SAMMSON: variants seen among roughly 807,000 people sequenced by gnomAD.
SAMMSON encodes survival associated mitochondrial melanoma specific oncogenic non-coding RNA.
intron 7 of SAMMSON, among the ~76,000 whole-genome samples, chr3:70,303,547 C>A (rs1318009073): frequency 1.3e-5 from 2 of 152,192 alleles, no homozygotes; most frequent in Non-Finnish European, 2.9e-5. Flanking sequence ...GCTACTCTTG[C>A]ATTTTCCAAT....
intron 3 of SAMMSON, chr3:70,030,735 G>A (rs2067062431): frequency 6.6e-6 from 1 of 152,140 alleles, no homozygotes; most frequent in Non-Finnish European, 1.5e-5. Flanking sequence ...CAAAGGACGT[G>A]AATAGACATT....
At chr3:70,307,016 TAGAG>T (rs1222786241) in intron 7 of SAMMSON, among the ~76,000 whole-genome samples, 1 of 152,040 alleles carries the variant, frequency 6.6e-6, no homozygotes, top group African/African-American at 2.4e-5. Context: ...AATAGAGAGA[TAGAG>T]AGAAAATCTG....
chr3:70,212,691 C>A (rs1371179810), intron 4 of SAMMSON, among the ~76,000 whole-genome samples: 2 of 152,118 alleles, frequency 1.3e-5, no homozygotes, highest in Non-Finnish European at 2.9e-5. Flanking sequence ...GGACAATATT[C>A]TTCTCGTCAT....
intron 6 of SAMMSON, among the ~76,000 whole-genome samples, chr3:70,288,231 T>G (rs1702188852): frequency 7.5e-6 from 1 of 133,920 alleles, no homozygotes; most frequent in Non-Finnish European, 1.6e-5. Flanking sequence ...CTGCTTTGAA[T>G]GCATCCCAGA....
intron 7 of SAMMSON, among the ~76,000 whole-genome samples, chr3:70,329,682 T>C (rs1458387617): frequency 6.6e-6 from 1 of 151,974 alleles, no homozygotes. Flanking sequence ...TTCATGAAAT[T>C]CATTTGTAGA....
chr3:70,422,912 A>G (rs1701323843), intron 2 of SAMMSON, among the ~76,000 whole-genome samples: 1 of 152,014 alleles, frequency 6.6e-6, no homozygotes, highest in African/African-American at 2.4e-5. Flanking sequence ...AGATTTTAAC[A>G]CATCCTTGGG....
At chr3:70,243,072 G>A (rs1701677166) in intron 4 of SAMMSON, among the ~76,000 whole-genome samples, 1 of 152,110 alleles carries the variant, frequency 6.6e-6, no homozygotes, top group Admixed American at 6.6e-5. Context: ...CTAATTGTAA[G>A]GTGGAGGAAT....
chr3:70,022,726 T>A (rs1160331501), intron 3 of SAMMSON, among the ~76,000 whole-genome samples: 1 of 152,214 alleles, frequency 6.6e-6, no homozygotes, highest in Admixed American at 6.5e-5. Context: ...AATAATTCAC[T>A]GATTCTCATC....
At chr3:70,203,843 A>T (rs913219571) in intron 4 of SAMMSON, among the ~76,000 whole-genome samples, 1 of 152,206 alleles carries the variant, frequency 6.6e-6, no homozygotes, top group South Asian at 2.1e-4. Flanking sequence ...TATATTTCTG[A>T]CTTTCTTATC....
chr3:70,303,281 T>C (rs1423120348), intron 7 of SAMMSON, among the ~76,000 whole-genome samples: 1 of 152,090 alleles, frequency 6.6e-6, no homozygotes, highest in Non-Finnish European at 1.5e-5. Flanking sequence ...TACCTCTCAT[T>C]GTGTGTAGCA....
chr3:70,081,431 C>T (rs2067268107), intron 4 of SAMMSON, among the ~76,000 whole-genome samples: 1 of 152,164 alleles, frequency 6.6e-6, no homozygotes, highest in Admixed American at 6.5e-5. Flanking sequence ...GTTTTTATCA[C>T]CACTTATAAT....
intron 6 of SAMMSON, among the ~76,000 whole-genome samples, chr3:70,274,202 G>A (rs1009735176): frequency 6.6e-6 from 1 of 151,770 alleles, no homozygotes; most frequent in East Asian, 1.9e-4. Context: ...GAGTGTTTGT[G>A]TGTTTGTAGA....
chr3:70,126,790 A>T (rs2067460979), intron 4 of SAMMSON: 1 of 171,904 alleles, frequency 5.8e-6, no homozygotes, highest in African/African-American at 2.4e-5. Flanking sequence ...GTCTCTACAC[A>T]CTGCAACCTC....
chr3:70,149,937 A>G (rs2067564432), intron 4 of SAMMSON, among the ~76,000 whole-genome samples: 1 of 152,096 alleles, frequency 6.6e-6, no homozygotes, highest in Non-Finnish European at 1.5e-5. Context: ...TTATTAGTCC[A>G]TTTAAGAAGG....
chr3:70,028,652 C>T (rs2067052496), intron 3 of SAMMSON, among the ~76,000 whole-genome samples: 1 of 152,132 alleles, frequency 6.6e-6, no homozygotes, highest in Admixed American at 6.5e-5. Context: ...TTCCTTTGGG[C>T]TGTGTGGTCT....
chr3:70,046,550 C>T (rs2067127739), intron 3 of SAMMSON, among the ~76,000 whole-genome samples: 1 of 152,048 alleles, frequency 6.6e-6, no homozygotes, highest in East Asian at 1.9e-4. Context: ...CAAATTAATA[C>T]TTACCTTGAA....
intron 7 of SAMMSON, among the ~76,000 whole-genome samples, chr3:70,349,199 C>T (rs556264232): frequency 1.3e-5 from 2 of 152,094 alleles, no homozygotes; most frequent in African/African-American, 4.8e-5. Context: ...CATGGTGAAA[C>T]CCCATCTCTA....
chr3:70,143,364 GT>G (rs1414852750), intron 4 of SAMMSON, among the ~76,000 whole-genome samples: 1 of 149,500 alleles, frequency 6.7e-6, no homozygotes, highest in Non-Finnish European at 1.5e-5. Context: ...GGGTATATGT[GT>G]GAATGTGTGT....
chr3:70,361,778 A>G (rs1702872280), intron 9 of SAMMSON, among the ~76,000 whole-genome samples: 2 of 152,178 alleles, frequency 1.3e-5, no homozygotes, highest in South Asian at 4.1e-4. Context: ...TGCCTTTTTC[A>G]ACATGAACTC....
Sources: allele counts gnomAD v4.1 joint callset (sites outside exome capture counted in the v4.1 genomes callset), GRCh38; gene constraint gnomAD v4.1.1; transcripts MANE v1.5; gene names NCBI Gene and HGNC (gene_info 2026-07-23, HGNC 2026-07-21).